Variants in SGCG observed in about 807,000 individuals in gnomAD.
The protein encoded by SGCG is sarcoglycan gamma, also known as gamma-sarcoglycan.
In SGCG, 26 loss-of-function variants were observed where a neutral mutation model predicts 29.3. The ratio of observed to expected loss-of-function variants is 0.89; its 90% CI spans 0.65 to 1.23. SGCG has a LOEUF of 1.23. SGCG is among the 50% of genes most tolerant of loss of function. The pLI is 0.00. For synonymous variants in SGCG, 145 were observed against 129.7 expected (o/e 1.12, Z -0.80); for missense variants, 353 against 356.0 (o/e 0.99, Z 0.07).
intron 4 of SGCG, among the ~76,000 whole-genome samples, chr13:23,256,454 G>A (rs1160201272): frequency 6.6e-6 from 1 of 152,114 alleles, no homozygotes; most frequent in African/African-American, 2.4e-5. Flanking sequence ...ATGTATACAT[G>A]TGCCATGTTG....
chr13:23,238,691 A>G (rs1593190688), intron 3 of SGCG, among the ~76,000 whole-genome samples: 1 of 152,228 alleles, frequency 6.6e-6, no homozygotes, highest in Non-Finnish European at 1.5e-5. Flanking sequence ...ACTACATTTC[A>G]TCTGTGCACA....
At chr13:23,207,035 G>A (rs907212609) in intron 2 of SGCG, among the ~76,000 whole-genome samples, 1 of 151,788 alleles carries the variant, frequency 6.6e-6, no homozygotes, top group African/African-American at 2.4e-5. Flanking sequence ...GAAAAACAAC[G>A]CTAGAGGCGT....
At chr13:23,203,438 T>C (rs576543226) in intron 1 of SGCG, among the ~76,000 whole-genome samples, 67 of 152,370 alleles carry the variant, frequency 4.4e-4, no homozygotes, top group African/African-American at 1.5e-3. Context: ...TTTGAAAATA[T>C]GGTCACTAGA....
At chr13:23,272,028 A>T (rs1188217659) in intron 4 of SGCG, among the ~76,000 whole-genome samples, 1 of 152,082 alleles carries the variant, frequency 6.6e-6, no homozygotes, top group Non-Finnish European at 1.5e-5. Context: ...AGTTTGCTGA[A>T]TTTTTTATTA....
chr13:23,181,093 A>G lies in SGCG; in HGVS notation c.-1+18A>G, dbSNP rs1316841218. 1 of 152,194 alleles carries G rather than the reference A, an allele frequency of 6.6e-6. No individual in the cohort carries two copies. Among genetic ancestry groups the G allele is most frequent in the Non-Finnish European group, 1.5e-5 (1 of 68,036 alleles). The allele number at this position is 152,194 out of a possible 1,614,324, so 9.4% of individuals were successfully genotyped here. On this transcript the variant is annotated intron_variant, in intron 1 of 7. Coordinates refer to ENST00000218867, the MANE Select transcript of SGCG (RefSeq NM_000231.3). Reference sequence around the variant, plus strand: ...TATCTAAGGTAAGTGCTCAGTTTTAACTTAGATTTTATATCAGTACAAAGT... The same window carrying G: ...TATCTAAGGTAAGTGCTCAGTTTTAGCTTAGATTTTATATCAGTACAAAGT...
At chr13:23,269,740 C>T (rs1285223950) in intron 4 of SGCG, among the ~76,000 whole-genome samples, 1 of 151,620 alleles carries the variant, frequency 6.6e-6, no homozygotes, top group African/African-American at 2.4e-5. Flanking sequence ...GTGGAGTTGC[C>T]GTGATTATTC....
chr13:23,209,778 G>A (rs1225604104), intron 2 of SGCG, among the ~76,000 whole-genome samples: 1 of 152,204 alleles, frequency 6.6e-6, no homozygotes, highest in Non-Finnish European at 1.5e-5. Context: ...TTAGATGGGT[G>A]AGGTGTATTA....
At chr13:23,313,322 G>C (rs1186788992) in intron 6 of SGCG, among the ~76,000 whole-genome samples, 3 of 151,980 alleles carry the variant, frequency 2.0e-5, no homozygotes, top group Non-Finnish European at 4.4e-5. Context: ...CCACCACCAT[G>C]CCCAGCTCAT....
intron 2 of SGCG, among the ~76,000 whole-genome samples, chr13:23,229,507 G>C (rs539315638): frequency 1.1e-4 from 16 of 152,198 alleles, no homozygotes; most frequent in Non-Finnish European, 2.1e-4. Context: ...ACTGGTGTGA[G>C]ATTGTAGCTC....
intron 6 of SGCG, among the ~76,000 whole-genome samples, chr13:23,309,989 A>C (rs1303101434): frequency 1.3e-5 from 2 of 151,910 alleles, no homozygotes; most frequent in African/African-American, 2.4e-5. Flanking sequence ...CTTTAATGCA[A>C]GGTTTGTATG....
chr13:23,254,846 G>C (rs147118856), intron 4 of SGCG, among the ~76,000 whole-genome samples: 1 of 152,222 alleles, frequency 6.6e-6, no homozygotes, highest in Non-Finnish European at 1.5e-5. Flanking sequence ...TCAGGCCATC[G>C]CTGTGGAAGG....
the SGCG span, among the ~76,000 whole-genome samples, chr13:23,163,804 TATTGA>T: frequency 6.6e-6 from 1 of 152,164 alleles, no homozygotes; most frequent in Non-Finnish European, 1.5e-5. Flanking sequence ...ACTAAAATCA[TATTGA>T]ATTGAAGACA....
chr13:23,299,489 T>C lies in SGCG; in HGVS notation c.578+4002T>C. Among the ~76,000 whole-genome samples, 3 of 127,842 alleles carry C rather than the reference T, an allele frequency of 2.3e-5. 1 individual carries two copies. The highest frequency in any genetic ancestry group is 3.3e-5 in the Non-Finnish European group (2 of 61,386). The allele number at this position is 127,842 out of a possible 152,430, so 83.9% of individuals were successfully genotyped here. A position where few individuals can be genotyped will look rare whatever the true frequency, so the allele number is the denominator to read the frequency against. The stretch of plus-strand genomic sequence containing the variant: ...TTTTTTTTTAGTCGGAGTCTCACTC[T>C]GTCCCCAGGCTGGGGTGCAGTGGCG... On this transcript the variant is annotated intron_variant, in intron 6 of 7. Transcript: ENST00000218867.
At chr13:23,300,794 T>C (rs1882125222) in intron 6 of SGCG, among the ~76,000 whole-genome samples, 1 of 133,124 alleles carries the variant, frequency 7.5e-6, no homozygotes, top group East Asian at 2.2e-4. Context: ...CAATACCTGC[T>C]AATGACTAGT....
At chr13:23,161,886 C>T in the SGCG span, among the ~76,000 whole-genome samples, 2 of 152,204 alleles carry the variant, frequency 1.3e-5, no homozygotes, top group African/African-American at 2.4e-5. Flanking sequence ...GGATGTTACA[C>T]GTAAATAATT....
chr13:23,247,585 T>C (rs1435261260), intron 3 of SGCG, among the ~76,000 whole-genome samples: 3 of 152,140 alleles, frequency 2.0e-5, no homozygotes, highest in Non-Finnish European at 2.9e-5. Context: ...TAAAAAAATG[T>C]AGAATTTTAA....
chr13:23,227,501 G>A (rs1878947613), intron 2 of SGCG, among the ~76,000 whole-genome samples: 1 of 152,128 alleles, frequency 6.6e-6, no homozygotes, highest in South Asian at 2.1e-4. Context: ...GTAAAAGTCT[G>A]TAGCAGCTTT....
the SGCG span, among the ~76,000 whole-genome samples, chr13:23,174,858 G>A: frequency 2.0e-5 from 3 of 152,076 alleles, no homozygotes; most frequent in Non-Finnish European, 4.4e-5. Flanking sequence ...CACAGGAGAT[G>A]CCATTATGGT....
At chr13:23,258,370 A>G (rs1029405140) in intron 4 of SGCG, among the ~76,000 whole-genome samples, 2 of 151,844 alleles carry the variant, frequency 1.3e-5, no homozygotes, top group Non-Finnish European at 2.9e-5. Flanking sequence ...GTGTATAGGG[A>G]TGCTCGTGAT....
Sources: allele counts gnomAD v4.1 joint callset (sites outside exome capture counted in the v4.1 genomes callset), GRCh38; gene constraint gnomAD v4.1.1; transcripts MANE v1.5; gene names NCBI Gene and HGNC (gene_info 2026-07-23, HGNC 2026-07-21).